Variants in HMCN1 observed in about 807,000 individuals in gnomAD.
HMCN1 encodes hemicentin-1.
HMCN1 carries 321 observed loss-of-function variants against 625.9 expected under a neutral mutation model. The ratio of observed to expected loss-of-function variants is 0.51; its 90% confidence interval spans 0.47 to 0.56. HMCN1 has a LOEUF of 0.56. HMCN1 is among the 20% of genes least tolerant of loss of function. The pLI is 0.00. For missense variants in HMCN1, 6,588 were observed against 6,887.3 expected (o/e 0.96, Z 1.54); for synonymous variants, 2,425 against 2,417.6 (o/e 1.00, Z -0.09).
intron 97 of HMCN1, among the ~76,000 whole-genome samples, chr1:186,161,891 T>A (rs556825384): frequency 1.3e-5 from 2 of 152,214 alleles, no homozygotes; most frequent in East Asian, 3.8e-4. Context: ...CTGACAATTA[T>A]GTTTCTTGGA....
intron 46 of HMCN1, among the ~76,000 whole-genome samples, chr1:186,058,271 G>A (rs965019091): frequency 6.6e-6 from 1 of 151,976 alleles, no homozygotes; most frequent in African/African-American, 2.4e-5. Context: ...ATGAAAAGAT[G>A]TCTGAATTGT....
chr1:186,108,445 T>G lies in HMCN1; in HGVS notation c.10853-16T>G. ...ATAATACAGATTGCTTTTGTTGTATTTGTTCTCACACCCAGTACCTCCTAA... is the reference window on the plus strand; with the variant it reads ...ATAATACAGATTGCTTTTGTTGTATGTGTTCTCACACCCAGTACCTCCTAA... On this transcript the variant is annotated splice_polypyrimidine_tract_variant and intron_variant, in intron 70 of 106. Coordinates refer to ENST00000271588, the MANE Select transcript of HMCN1 (RefSeq NM_031935.3). 6.2e-7 allele frequency: 1 copy of G among 1,614,126 alleles called. No homozygotes were observed. Among genetic ancestry groups the G allele is most frequent in the South Asian group, 1.1e-5 (1 of 91,086 alleles).
At chr1:185,904,641 C>A (rs779809199) in intron 4 of HMCN1, among the ~76,000 whole-genome samples, 3 of 151,790 alleles carry the variant, frequency 2.0e-5, no homozygotes, top group Non-Finnish European at 4.4e-5. Context: ...GATCAACAGG[C>A]AAATGCTGCC....
chr1:186,015,728 A>G (rs1194552380), intron 31 of HMCN1, among the ~76,000 whole-genome samples: 1 of 152,114 alleles, frequency 6.6e-6, no homozygotes, highest in African/African-American at 2.4e-5. Flanking sequence ...ATTCTCTACT[A>G]TTTGTCCTTT....
At chr1:185,799,205 A>T (rs902348750) in intron 1 of HMCN1, among the ~76,000 whole-genome samples, 2 of 152,304 alleles carry the variant, frequency 1.3e-5, no homozygotes, top group Admixed American at 6.5e-5. Flanking sequence ...TATACTCTGC[A>T]TGTGTGCAGG....
rs924117423 is a variant in HMCN1, at chr1:186,153,925, A to G, written c.15194A>G (p.Glu5065Gly). The G allele has an allele frequency of 2.0e-5, 32 of 1,614,072 alleles. No homozygotes were observed. The highest frequency in any genetic ancestry group is 2.7e-5 in the Non-Finnish European group (32 of 1,180,018). Residue 5065 changes from glutamate (E) to glycine (G), a missense_variant, in exon 97 of 107, where the codon GAA (glutamate) becomes GGA (glycine). By Grantham distance (98) the Glu-to-Gly change is moderately conservative. Transcript: ENST00000271588. ...LVETLHASSV[E>G]SDYNQIEETL... is the part of the protein sequence containing the mutation. ...GAAACACTTCATGCATCCTCTGTGGAATCTGACTATAACCAGATAGAAGAG... is the reference window on the plus strand; with the variant it reads ...GAAACACTTCATGCATCCTCTGTGGGATCTGACTATAACCAGATAGAAGAG...
intron 75 of HMCN1, among the ~76,000 whole-genome samples, chr1:186,115,728 TAAAAGA>T (rs1237403998): frequency 2.6e-5 from 4 of 152,134 alleles, no homozygotes; most frequent in Admixed American, 2.6e-4. Flanking sequence ...TCATTTTATA[TAAAAGA>T]AAAACTATTC....
Position 185,933,824 on chromosome 1 carries a change from G to C in HMCN1, c.1828G>C (p.Glu610Gln), listed in dbSNP as rs1279376337. Residue 610 changes from glutamate (E) to glutamine (Q), a missense_variant and splice_region_variant, in exon 11 of 107, where the codon GAA becomes CAA. Glu to Gln is a conservative substitution (Grantham distance 29). Transcript: ENST00000271588. ...SAASVFLTVQ[E>Q]PPKVTVMPKN... is the part of the protein sequence containing the mutation. The stretch of plus-strand genomic sequence containing the variant: ...CGCTTCAGTTTTCCTCACAGTGCAA[G>C]GTACAGTGCTTTGGTAACTTCTGAA... The C allele has an allele frequency of 6.2e-7, 1 of 1,612,548 alleles. No individual in the cohort carries two copies. Among genetic ancestry groups the C allele is most frequent in the South Asian group, 1.1e-5 (1 of 91,052 alleles).
chr1:186,097,058 T>C (rs1001567106), intron 68 of HMCN1, among the ~76,000 whole-genome samples: 1 of 151,982 alleles, frequency 6.6e-6, no homozygotes, highest in African/African-American at 2.4e-5. Flanking sequence ...GGCAAAAAAA[T>C]AAAAGACATC....
intron 4 of HMCN1, among the ~76,000 whole-genome samples, chr1:185,907,069 C>T (rs1012528893): frequency 6.0e-5 from 9 of 150,804 alleles, no homozygotes; most frequent in East Asian, 2.0e-4. Context: ...ATGTTAGTTA[C>T]AGTCAGTCTG....
intron 12 of HMCN1, among the ~76,000 whole-genome samples, chr1:185,963,069 G>T (rs1353629085): frequency 6.6e-6 from 1 of 152,160 alleles, no homozygotes; most frequent in Non-Finnish European, 1.5e-5. Context: ...ATTAAAATGT[G>T]TTCAGACATT....
chr1:186,017,220 A>G, intron 33 of HMCN1, 149 bp downstream of exon 33: 1 of 661,426 alleles, frequency 1.5e-6, no homozygotes, highest in Non-Finnish European at 2.8e-6. Context: ...CTCTATATAC[A>G]AGGCAATGTC....
chr1:185,864,340 A>G (rs1663048667), intron 2 of HMCN1, 130 bp from the exon 3 acceptor site: 4 of 817,374 alleles, frequency 4.9e-6, no homozygotes, highest in Admixed American at 2.0e-5. Flanking sequence ...TTCTTGAACA[A>G]AGTGTCAAAC....
intron 24 of HMCN1, 42 bp from the exon 25 acceptor site, chr1:185,997,387 G>C: frequency 7.8e-7 from 1 of 1,278,670 alleles, no homozygotes; most frequent in Non-Finnish European, 1.1e-6. Context: ...GTTTGAAATT[G>C]CTCAAAGAAA....
intron 80 of HMCN1, among the ~76,000 whole-genome samples, chr1:186,120,728 G>A (rs1204925201): frequency 6.6e-6 from 1 of 152,146 alleles, no homozygotes; most frequent in Non-Finnish European, 1.5e-5. Context: ...GTAGATTCAT[G>A]AATATAATAA....
chr1:186,158,409 T>C (rs1421683179), intron 97 of HMCN1, among the ~76,000 whole-genome samples: 1 of 152,218 alleles, frequency 6.6e-6, no homozygotes, highest in African/African-American at 2.4e-5. Flanking sequence ...CATGGTAGTT[T>C]CTTTTGCTGT....
intron 76 of HMCN1, 66 bp from the exon 77 acceptor site, chr1:186,117,393 C>G: frequency 6.4e-7 from 1 of 1,555,514 alleles, no homozygotes; most frequent in Non-Finnish European, 8.8e-7. Flanking sequence ...TATGATAAGT[C>G]TTTGGAAATC....
In HMCN1 at chr1:186,165,119, A is replaced by G. The variant is rs749090856; in HGVS notation, c.15265A>G (p.Ser5089Gly). ...IHASISKGDR[S>G]NQCPSGFTLD... is the part of the protein sequence containing the mutation. ...TTTCCTCTCTGTGGTAGGAGATCGC[A>G]GTAATCAGTGCCCCTCCGGGTTTAC... Residue 5089 changes from serine to glycine, a missense_variant, in exon 98 of 107, where the codon AGT (serine) becomes GGT (glycine). Transcript: ENST00000271588. 1.9e-6 allele frequency: 3 copies of G among 1,613,986 alleles called. No homozygotes were observed. In the African/African-American group the frequency reaches 4.0e-5, roughly 22 times the overall value.
At chr1:186,055,335 T>C (rs1483549959) in intron 44 of HMCN1, 58 bp from the exon 45 acceptor site, 6 of 1,518,902 alleles carry the variant, frequency 4.0e-6, no homozygotes, top group Non-Finnish European at 5.5e-6. Context: ...AATTCCTATG[T>C]AAGACTTGAA....
Sources: allele counts gnomAD v4.1 joint callset (sites outside exome capture counted in the v4.1 genomes callset), GRCh38; gene constraint gnomAD v4.1.1; transcripts MANE v1.5; gene names NCBI Gene and HGNC (gene_info 2026-07-23, HGNC 2026-07-21).